Variants in REC114 observed in about 807,000 individuals in gnomAD.
The protein encoded by REC114 is meiotic recombination protein REC114.
Under a neutral mutation model 31.3 loss-of-function variants are expected in REC114, and 27 were observed. That is an observed-to-expected ratio of 0.86 (90% CI 0.64 to 1.19). REC114 has a LOEUF of 1.19. Ranked by LOEUF, REC114 falls within the 50% of genes most tolerant of loss-of-function variation. REC114 has a pLI of 0.00. For synonymous variants in REC114, 134 were observed against 127.7 expected (o/e 1.05, Z -0.33); for missense variants, 344 against 326.9 (o/e 1.05, Z -0.40).
At chr15:73,475,448 G>A (rs1333023095) in intron 2 of REC114, among the ~76,000 whole-genome samples, 1 of 152,142 alleles carries the variant, frequency 6.6e-6, no homozygotes, top group Non-Finnish European at 1.5e-5. Flanking sequence ...CCTATCACCT[G>A]TGATGTCTTG....
intron 3 of REC114, among the ~76,000 whole-genome samples, chr15:73,547,871 G>T (rs1475543125): frequency 6.6e-6 from 1 of 152,190 alleles, no homozygotes; most frequent in Non-Finnish European, 1.5e-5. Flanking sequence ...CACAGGCAAA[G>T]ATTTCGTGAC....
chr15:73,522,549 T>C (rs548786975), intron 2 of REC114, among the ~76,000 whole-genome samples: 1 of 152,200 alleles, frequency 6.6e-6, no homozygotes, highest in Non-Finnish European at 1.5e-5. Context: ...ATTAACTCTT[T>C]TGTGTCTGGC....
At chr15:73,482,853 C>T (rs1342225479) in intron 2 of REC114, among the ~76,000 whole-genome samples, 1 of 151,604 alleles carries the variant, frequency 6.6e-6, no homozygotes. Context: ...GATATGTACT[C>T]ATAAGTAGAA....
At chr15:73,548,765 C>A (rs1242405183) in intron 3 of REC114, among the ~76,000 whole-genome samples, 1 of 152,032 alleles carries the variant, frequency 6.6e-6, no homozygotes, top group Admixed American at 6.6e-5. Context: ...TTCACAATAG[C>A]AAAGACATGG....
chr15:73,501,063 T>A (rs1893598240), intron 2 of REC114, among the ~76,000 whole-genome samples: 1 of 152,220 alleles, frequency 6.6e-6, no homozygotes, highest in African/African-American at 2.4e-5. Context: ...ACATCACTTA[T>A]ATACAGTATG....
intron 2 of REC114, among the ~76,000 whole-genome samples, chr15:73,508,401 A>G (rs143080225): frequency 0.011 from 1,569 of 145,024 alleles, 25 homozygotes; most frequent in African/African-American, 0.038. Context: ...TATCAAGACT[A>G]CCCTCTACCG....
At chr15:73,508,224 C>T (rs942448607) in intron 2 of REC114, among the ~76,000 whole-genome samples, 1 of 151,970 alleles carries the variant, frequency 6.6e-6, no homozygotes, top group African/African-American at 2.4e-5. Context: ...AGATAGTAAT[C>T]AAAGGCATAG....
At chr15:73,551,483 T>C (rs1355672892) in intron 4 of REC114, among the ~76,000 whole-genome samples, 3 of 151,962 alleles carry the variant, frequency 2.0e-5, no homozygotes, top group African/African-American at 7.2e-5. Context: ...CTTGCCTTTT[T>C]CACTGTGTCA....
intron 1 of REC114, among the ~76,000 whole-genome samples, chr15:73,447,346 C>T (rs768894276): frequency 2.6e-5 from 4 of 152,100 alleles, no homozygotes; most frequent in Non-Finnish European, 5.9e-5. Flanking sequence ...AGGTGAGATT[C>T]GGGACCAAGC....
chr15:73,467,523 TGAA>T (rs917019068), intron 1 of REC114, among the ~76,000 whole-genome samples: 7 of 152,354 alleles, frequency 4.6e-5, no homozygotes, highest in African/African-American at 1.7e-4. Context: ...ATTTGTTGAA[TGAA>T]GAATTAATGA....
At position 73,508,713 on chromosome 15, in the gene REC114, C is replaced by T. The variant is rs867658421; in HGVS notation, c.250-31772C>T. ...TGCGGTGTTTGGTTTTTTGTTCTTG[C>T]GATAGTTTACTGAGAATGATGATTT... On this transcript the variant is annotated intron_variant, in intron 2 of 5. Transcript: ENST00000331090. Among the ~76,000 whole-genome samples, 122 of 148,080 alleles carry T rather than the reference C, an allele frequency of 8.2e-4. No individual in the cohort carries two copies. The South Asian group carries it at 0.013, about 16-fold the overall frequency.
chr15:73,453,576 C>G (rs1484566223), intron 1 of REC114, among the ~76,000 whole-genome samples: 1 of 152,140 alleles, frequency 6.6e-6, no homozygotes, highest in Non-Finnish European at 1.5e-5. Flanking sequence ...CCTCAAGGAT[C>G]TAGAACTAGA....
chr15:73,492,601 G>A (rs972016611), intron 2 of REC114, among the ~76,000 whole-genome samples: 4 of 152,112 alleles, frequency 2.6e-5, no homozygotes, highest in Admixed American at 6.5e-5. Flanking sequence ...GAATCACCAG[G>A]TCTGGGATGT....
chr15:73,451,790 C>G (rs1892853347), intron 1 of REC114, among the ~76,000 whole-genome samples: 1 of 152,192 alleles, frequency 6.6e-6, no homozygotes, highest in African/African-American at 2.4e-5. Flanking sequence ...CCACCACGAT[C>G]AAGTCAGCTT....
intron 2 of REC114, among the ~76,000 whole-genome samples, chr15:73,492,666 T>C (rs1893462250): frequency 6.6e-6 from 1 of 152,236 alleles, no homozygotes; most frequent in South Asian, 2.1e-4. Context: ...TATACTCATC[T>C]ATGAACACAC....
intron 1 of REC114, among the ~76,000 whole-genome samples, chr15:73,462,349 C>T (rs1381014211): frequency 6.6e-6 from 1 of 151,388 alleles, no homozygotes; most frequent in Non-Finnish European, 1.5e-5. Flanking sequence ...TTCTCAGATA[C>T]CTGGATTATG....
intron 2 of REC114, among the ~76,000 whole-genome samples, chr15:73,492,569 C>G (rs1893461151): frequency 6.6e-6 from 1 of 152,122 alleles, no homozygotes; most frequent in Admixed American, 6.5e-5. Context: ...ATTATCTGGG[C>G]TCTTATTAAA....
At chr15:73,483,036 T>G (rs747726801) in intron 2 of REC114, among the ~76,000 whole-genome samples, 11 of 152,142 alleles carry the variant, frequency 7.2e-5, no homozygotes, top group Admixed American at 1.3e-4. Flanking sequence ...AAAATAGTAT[T>G]GATCTTAGCG....
chr15:73,494,904 G>T (rs1893497348), intron 2 of REC114, among the ~76,000 whole-genome samples: 1 of 152,220 alleles, frequency 6.6e-6, no homozygotes, highest in Non-Finnish European at 1.5e-5. Context: ...AGCTCTGATA[G>T]GGACCCGAAG....
Sources: allele counts gnomAD v4.1 joint callset (sites outside exome capture counted in the v4.1 genomes callset), GRCh38; gene constraint gnomAD v4.1.1; transcripts MANE v1.5; gene names NCBI Gene and HGNC (gene_info 2026-07-23, HGNC 2026-07-21).